Variants in CPS1 observed in about 807,000 individuals in gnomAD.
CPS1 encodes the protein carbamoyl-phosphate synthase [ammonia], mitochondrial.
In CPS1, 109 loss-of-function variants were observed where a neutral mutation model predicts 174.6. The ratio of observed to expected loss-of-function variants is 0.62; its 90% CI spans 0.53 to 0.73. The LOEUF (loss-of-function observed/expected upper bound fraction) is 0.73, where lower values mean the gene tolerates loss of function less well. Among genes scored for constraint, CPS1 ranks in the 30% least tolerant of loss-of-function variants. The pLI, the probability that CPS1 is intolerant of heterozygous loss-of-function variation, is 0.00. For synonymous variants in CPS1, 637 were observed against 632.0 expected (o/e 1.01, Z -0.12); for missense variants, 1,689 against 1,821.9 (o/e 0.93, Z 1.33).
rs114764732 is a variant in CPS1, at chr2:210,616,309, A to G, written c.2569-114A>G. The G allele has an allele frequency of 0.029, 21,832 of 764,968 alleles. 411 individuals carry two copies. The highest frequency in any genetic ancestry group is 0.056 in the Admixed American group (3,205 of 57,106). The allele number at this position is 764,968 out of a possible 1,614,324, so 47.4% of individuals were successfully genotyped here. A position where few individuals can be genotyped will look rare whatever the true frequency, so the allele number is the denominator to read the frequency against. ...AGTTTCATGTTTTGTAACTCAGTCTACAGTCTCGGGCTCTCTAAATAACAC... is the reference window on the plus strand; with the variant it reads ...AGTTTCATGTTTTGTAACTCAGTCTGCAGTCTCGGGCTCTCTAAATAACAC... On this transcript the variant is annotated intron_variant, in intron 20 of 37. Coordinates refer to ENST00000233072, the MANE Select transcript of CPS1 (RefSeq NM_001875.5).
chr2:210,528,240 C>A (rs978252078), intron 1 of CPS1, among the ~76,000 whole-genome samples: 3 of 151,924 alleles, frequency 2.0e-5, no homozygotes, highest in Non-Finnish European at 2.9e-5. Flanking sequence ...ATTTACCCCA[C>A]CGCAGAAAAC....
At chr2:210,580,162 C>T (rs1388541135) in intron 5 of CPS1, among the ~76,000 whole-genome samples, 1 of 152,106 alleles carries the variant, frequency 6.6e-6, no homozygotes, top group Non-Finnish European at 1.5e-5. Flanking sequence ...GAAAAATACA[C>T]TCCAGGAAGT....
At chr2:210,642,742 G>A (rs1700269152) in intron 25 of CPS1, 77 bp downstream of exon 25, 1 of 1,283,766 alleles carries the variant, frequency 7.8e-7, no homozygotes. Context: ...TATGCATTCT[G>A]GTATATAGAT....
At chr2:210,574,893 A>G (rs1174208267) in intron 2 of CPS1, among the ~76,000 whole-genome samples, 1 of 152,064 alleles carries the variant, frequency 6.6e-6, no homozygotes. Flanking sequence ...TTGATGTAGG[A>G]AAAGGTATTC....
At chr2:210,559,681 T>G (rs1024172545) in intron 1 of CPS1, among the ~76,000 whole-genome samples, 1 of 152,112 alleles carries the variant, frequency 6.6e-6, no homozygotes, top group African/African-American at 2.4e-5. Flanking sequence ...AGTGTAATAG[T>G]GGGATATACT....
At chr2:210,645,292 G>T (rs1700345672) in intron 25 of CPS1, among the ~76,000 whole-genome samples, 1 of 151,678 alleles carries the variant, frequency 6.6e-6, no homozygotes, top group Non-Finnish European at 1.5e-5. Context: ...TCAATGATGA[G>T]AATTTGGTTT....
intron 1 of CPS1, among the ~76,000 whole-genome samples, chr2:210,483,548 T>C (rs1177555292): frequency 1.3e-5 from 2 of 152,204 alleles, no homozygotes; most frequent in Non-Finnish European, 2.9e-5. Flanking sequence ...TCTGCCCAGG[T>C]AGCTCCAGCC....
chr2:210,610,319 G>A (rs1457959806), intron 19 of CPS1, among the ~76,000 whole-genome samples: 1 of 151,864 alleles, frequency 6.6e-6, no homozygotes, highest in Non-Finnish European at 1.5e-5. Context: ...TAAAAGGTAG[G>A]GGGGAGTTTT....
chr2:210,492,840 A>G (rs1391215591), intron 1 of CPS1, among the ~76,000 whole-genome samples: 2 of 150,548 alleles, frequency 1.3e-5, no homozygotes, highest in Non-Finnish European at 2.9e-5. Context: ...ACATTGAAAT[A>G]CAGTTATACA....
intron 33 of CPS1, among the ~76,000 whole-genome samples, chr2:210,667,518 ATTACTATATATG>A (rs1701140991): frequency 6.6e-6 from 1 of 152,142 alleles, no homozygotes; most frequent in Admixed American, 6.5e-5. Flanking sequence ...ATACTCTAAC[ATTACTATATATG>A]TTAGTTTGTT....
intron 1 of CPS1, among the ~76,000 whole-genome samples, chr2:210,490,201 G>A (rs910338827): frequency 3.9e-5 from 6 of 152,188 alleles, no homozygotes; most frequent in African/African-American, 1.4e-4. Context: ...AAACGTTCTT[G>A]TAGAGCTAGA....
intron 1 of CPS1, among the ~76,000 whole-genome samples, chr2:210,501,900 A>T (rs1695148028): frequency 6.6e-6 from 1 of 152,132 alleles, no homozygotes; most frequent in Non-Finnish European, 1.5e-5. Flanking sequence ...GTCTGTTTTC[A>T]GGCTGTGATG....
chr2:210,614,105 G>A (rs1699224319), intron 20 of CPS1, among the ~76,000 whole-genome samples: 1 of 151,828 alleles, frequency 6.6e-6, no homozygotes, highest in African/African-American at 2.4e-5. Flanking sequence ...CTTTTGATTT[G>A]GGGAGAATGC....
chr2:210,574,721 G>A (rs372517833), intron 2 of CPS1, among the ~76,000 whole-genome samples: 2 of 152,134 alleles, frequency 1.3e-5, no homozygotes, highest in African/African-American at 4.8e-5. Flanking sequence ...TCAAACAGGA[G>A]CTGATGGATT....
intron 25 of CPS1, among the ~76,000 whole-genome samples, chr2:210,643,830 T>C (rs1175719523): frequency 6.6e-6 from 1 of 152,056 alleles, no homozygotes; most frequent in African/African-American, 2.4e-5. Context: ...TTTAAATCAC[T>C]CCTTAATATT....
At chr2:210,542,346 A>G (rs1696455207) in intron 1 of CPS1, among the ~76,000 whole-genome samples, 1 of 152,132 alleles carries the variant, frequency 6.6e-6, no homozygotes, top group African/African-American at 2.4e-5. Context: ...GTCTAATGAC[A>G]GCATGATCTT....
chr2:210,556,385 A>G (rs1207173791), upstream of CPS1: 3 of 482,286 alleles, frequency 6.2e-6, no homozygotes, highest in African/African-American at 5.9e-5. Flanking sequence ...CATGATGTCT[A>G]GGTCATTCCA....
intron 4 of CPS1, among the ~76,000 whole-genome samples, chr2:210,579,275 T>C (rs1697826295): frequency 6.6e-6 from 1 of 152,158 alleles, no homozygotes; most frequent in Non-Finnish European, 1.5e-5. Flanking sequence ...CCTGATGGAC[T>C]AACAGGATGA....
chr2:210,561,671 T>C (rs940393356), intron 1 of CPS1, among the ~76,000 whole-genome samples: 1 of 152,152 alleles, frequency 6.6e-6, no homozygotes, highest in African/African-American at 2.4e-5. Context: ...TCCTGGGGCA[T>C]TTGCAATGAC....
Sources: gnomAD v4.1 joint callset for allele counts (sites outside exome capture counted in the v4.1 genomes callset) on GRCh38, gnomAD v4.1.1 for gene constraint, MANE v1.5 for transcripts, NCBI Gene and HGNC (gene_info 2026-07-23, HGNC 2026-07-21) for gene names.